CDH13: variants seen among roughly 807,000 people sequenced by gnomAD.
The protein encoded by CDH13 is cadherin 13, also known as cadherin-13.
CDH13 carries 24 observed loss-of-function variants against 63.8 expected under a neutral mutation model. The observed-to-expected ratio is 0.38, with a 90% CI of 0.27 to 0.53. CDH13 has a LOEUF of 0.53. Among genes scored for constraint, CDH13 ranks in the 20% least tolerant of loss-of-function variants. CDH13 has a pLI of 0.85. For synonymous variants in CDH13, 503 were observed against 355.3 expected, an observed-to-expected ratio of 1.42 and a Z score of -4.67; for missense variants, 1,049 against 903.1, an observed-to-expected ratio of 1.16 and a Z score of -2.07.
At chr16:82,649,992 A>C (rs566297580) in intron 1 of CDH13, among the ~76,000 whole-genome samples, 28 of 152,282 alleles carry the variant, frequency 1.8e-4, no homozygotes, top group African/African-American at 6.3e-4. Flanking sequence ...TGCCTTAGTC[A>C]TCACAACAAG....
At chr16:82,940,032 A>T (rs2042784647) in intron 2 of CDH13, among the ~76,000 whole-genome samples, 1 of 152,210 alleles carries the variant, frequency 6.6e-6, no homozygotes, top group African/African-American at 2.4e-5. Context: ...GTTTCCCCTT[A>T]TAAAACCATC....
chr16:83,155,158 G>C lies in CDH13; in HGVS notation c.483+29657G>C, dbSNP rs911994149. On this transcript the variant is annotated intron_variant, in intron 4 of 13. Coordinates refer to ENST00000567109, the MANE Select transcript of CDH13 (RefSeq NM_001257.5). ...GCAATCTTTGAAAGCAACCAAATTT[G>C]GCAAAGACAAGTAGTCTTCCCTGAG... 9.8e-5 allele frequency among the ~76,000 whole-genome samples: 15 copies of C among 152,306 alleles called. No homozygotes were observed. In the South Asian group the frequency reaches 1.0e-3, roughly 11 times the overall value.
chr16:83,180,846 A>G, intron 4 of CDH13: 1 of 1,484,252 alleles, frequency 6.7e-7, no homozygotes, highest in Non-Finnish European at 9.1e-7. Context: ...ATTTACAACA[A>G]AATGTGTTTT....
intron 6 of CDH13, among the ~76,000 whole-genome samples, chr16:83,452,988 C>T (rs2072924342): frequency 6.6e-6 from 1 of 152,124 alleles, no homozygotes; most frequent in African/African-American, 2.4e-5. Context: ...TAGCTGTGTG[C>T]CTTTGGAAAT....
intron 7 of CDH13, among the ~76,000 whole-genome samples, chr16:83,564,131 G>A (rs1276054383): frequency 6.6e-6 from 1 of 152,184 alleles, no homozygotes; most frequent in African/African-American, 2.4e-5. Context: ...CAACATCTGA[G>A]AGGCACTACT....
chr16:83,678,057 A>G, intron 9 of CDH13, 151 bp from the exon 10 acceptor site: 2 of 622,960 alleles, frequency 3.2e-6, no homozygotes, highest in Non-Finnish European at 5.5e-6. Context: ...TATCTTAAAG[A>G]TAGCCCCCCA....
intron 5 of CDH13, among the ~76,000 whole-genome samples, chr16:83,289,025 T>A (rs969568792): frequency 6.6e-6 from 1 of 152,194 alleles, no homozygotes; most frequent in Non-Finnish European, 1.5e-5. Flanking sequence ...CACCACCTTT[T>A]TGAAATAGAA....
chr16:83,536,122 T>C (rs747749190), intron 7 of CDH13, among the ~76,000 whole-genome samples: 1 of 152,102 alleles, frequency 6.6e-6, no homozygotes, highest in Non-Finnish European at 1.5e-5. Flanking sequence ...TTATGAGGCA[T>C]TGAGAAATCC....
At chr16:82,880,412 T>C (rs1300434004) in intron 2 of CDH13, among the ~76,000 whole-genome samples, 1 of 152,226 alleles carries the variant, frequency 6.6e-6, no homozygotes, top group African/African-American at 2.4e-5. Context: ...ATTGAATGTT[T>C]CACCTGCCGA....
At chr16:83,699,282 A>G (rs993238849) in intron 10 of CDH13, among the ~76,000 whole-genome samples, 3 of 152,214 alleles carry the variant, frequency 2.0e-5, no homozygotes, top group African/African-American at 4.8e-5. Flanking sequence ...TTTTCTGTCA[A>G]CAAATCAAAA....
intron 11 of CDH13, among the ~76,000 whole-genome samples, chr16:83,758,201 C>A (rs1223383090): frequency 6.6e-6 from 1 of 151,888 alleles, no homozygotes; most frequent in Admixed American, 6.6e-5. Flanking sequence ...CTTCCAGAAA[C>A]AGAAATAGAA....
At chr16:82,653,857 A>T (rs1342142561) in intron 1 of CDH13, among the ~76,000 whole-genome samples, 1 of 152,134 alleles carries the variant, frequency 6.6e-6, no homozygotes, top group African/African-American at 2.4e-5. Context: ...CCGGAGAAGA[A>T]GACTGAAGAC....
chr16:83,571,698 C>T (rs141372214), intron 7 of CDH13, among the ~76,000 whole-genome samples: 3 of 152,170 alleles, frequency 2.0e-5, no homozygotes, highest in Admixed American at 1.3e-4. Flanking sequence ...AGTTTATTCT[C>T]CCTTTTTCCT....
intron 5 of CDH13, among the ~76,000 whole-genome samples, chr16:83,274,435 G>C (rs568794142): frequency 2.0e-4 from 30 of 152,284 alleles, no homozygotes; most frequent in Non-Finnish European, 3.7e-4. Flanking sequence ...TCACCTGCTA[G>C]AGACCCTCTG....
At chr16:83,188,107 A>T (rs565588396) in intron 4 of CDH13, among the ~76,000 whole-genome samples, 4 of 152,342 alleles carry the variant, frequency 2.6e-5, no homozygotes, top group Non-Finnish European at 5.9e-5. Flanking sequence ...GGAGCCCACC[A>T]TGAGGACTTT....
intron 6 of CDH13, among the ~76,000 whole-genome samples, chr16:83,482,444 G>A (rs748509901): frequency 2.6e-5 from 4 of 152,226 alleles, no homozygotes; most frequent in African/African-American, 4.8e-5. Flanking sequence ...CTTAATAGAG[G>A]CACTGAAGAG....
chr16:82,727,612 C>G (rs576216317), intron 1 of CDH13: 1 of 152,114 alleles, frequency 6.6e-6, no homozygotes, highest in Non-Finnish European at 1.5e-5. Flanking sequence ...GTATTCTTTC[C>G]CTCCTTGCTC....
intron 5 of CDH13, among the ~76,000 whole-genome samples, chr16:83,298,549 T>C (rs955796343): frequency 6.6e-6 from 1 of 152,312 alleles, no homozygotes; most frequent in Admixed American, 6.5e-5. Flanking sequence ...TAAAAATTTC[T>C]AAGAATCAGT....
intron 8 of CDH13, among the ~76,000 whole-genome samples, chr16:83,605,307 A>T (rs1388230312): frequency 6.6e-6 from 1 of 152,190 alleles, no homozygotes; most frequent in Non-Finnish European, 1.5e-5. Context: ...TCTTTGCCCA[A>T]TGTTTGATAA....
Sources: gnomAD v4.1 joint callset for allele counts (sites outside exome capture counted in the v4.1 genomes callset) on GRCh38, gnomAD v4.1.1 for gene constraint, MANE v1.5 for transcripts, NCBI Gene and HGNC (gene_info 2026-07-23, HGNC 2026-07-21) for gene names.